SESTD1: variants seen among roughly 807,000 people sequenced by gnomAD.
SESTD1 encodes SEC14 and spectrin domain containing 1.
SESTD1 carries 43 observed loss-of-function variants against 101.7 expected under a neutral mutation model. The ratio of observed to expected loss-of-function variants is 0.42; its 90% confidence interval spans 0.33 to 0.55. The LOEUF is 0.55. SESTD1 is among the 20% of genes least tolerant of loss of function. SESTD1 has a pLI of 0.07. For missense variants in SESTD1, 647 were observed against 815.1 expected (o/e 0.79, Z 2.51); for synonymous variants, 283 against 286.8 (o/e 0.99, Z 0.13).
intron 9 of SESTD1, among the ~76,000 whole-genome samples, chr2:179,133,067 G>A (rs2045048201): frequency 6.6e-6 from 1 of 152,040 alleles, no homozygotes; most frequent in Non-Finnish European, 1.5e-5. Flanking sequence ...CCAACATTCA[G>A]ACCCACAAAA....
chr2:179,146,513 T>G (rs1427784781), intron 7 of SESTD1, 56 bp from the exon 8 acceptor site: 28 of 1,449,606 alleles, frequency 1.9e-5, no homozygotes, highest in Non-Finnish European at 2.7e-5. Flanking sequence ...AATGTAACTT[T>G]AAAAATTCCT....
chr2:179,236,589 A>G (rs2047069760), intron 1 of SESTD1, among the ~76,000 whole-genome samples: 1 of 152,052 alleles, frequency 6.6e-6, no homozygotes, highest in Non-Finnish European at 1.5e-5. Flanking sequence ...CTCAATCTGT[A>G]TGTTGACAAG....
intron 17 of SESTD1, among the ~76,000 whole-genome samples, chr2:179,112,237 G>C (rs2044527214): frequency 1.3e-5 from 2 of 152,146 alleles, no homozygotes; most frequent in Admixed American, 6.5e-5. Context: ...TAGAAGCTGT[G>C]AAATCCTGAG....
chr2:179,132,487 CTAACT>C, intron 9 of SESTD1, 61 bp from the exon 10 acceptor site: 1 of 1,525,050 alleles, frequency 6.6e-7, no homozygotes, highest in East Asian at 2.5e-5. Flanking sequence ...AACTTTCATT[CTAACT>C]TATTTTTCCC....
chr2:179,164,189 G>C (rs557433347), intron 5 of SESTD1, among the ~76,000 whole-genome samples: 103 of 152,226 alleles, frequency 6.8e-4, no homozygotes, highest in Middle Eastern at 3.4e-3. Context: ...AAGGAAAATA[G>C]GTTTCTATAA....
At chr2:179,128,811 C>T (rs945592351) in intron 10 of SESTD1, among the ~76,000 whole-genome samples, 2 of 150,494 alleles carry the variant, frequency 1.3e-5, no homozygotes, top group African/African-American at 4.9e-5. Flanking sequence ...TGTTCACTTA[C>T]AGCCATTCTC....
chr2:179,196,861 A>T (rs1019910831), intron 1 of SESTD1, among the ~76,000 whole-genome samples: 3 of 152,218 alleles, frequency 2.0e-5, no homozygotes, highest in Non-Finnish European at 4.4e-5. Context: ...ATGGGGAAAA[A>T]ACAGAGAAGA....
At chr2:179,120,383 G>C (rs2044723808) in intron 13 of SESTD1, among the ~76,000 whole-genome samples, 1 of 152,218 alleles carries the variant, frequency 6.6e-6, no homozygotes, top group Admixed American at 6.5e-5. Flanking sequence ...CAGCACGGGA[G>C]AGCTGTAACT....
intron 1 of SESTD1, among the ~76,000 whole-genome samples, chr2:179,243,045 T>C (rs1477450727): frequency 6.6e-6 from 1 of 152,082 alleles, no homozygotes; most frequent in Non-Finnish European, 1.5e-5. Flanking sequence ...CATTCACAAA[T>C]TATGTATCTG....
Position 179,103,855 on chromosome 2 carries a change from A to G in SESTD1, c.*6044T>C, listed in dbSNP as rs988143176. 4 of 152,128 alleles carry G rather than the reference A, an allele frequency of 2.6e-5. No homozygotes were observed. The highest frequency in any genetic ancestry group is 9.7e-5 in the African/African-American group (4 of 41,430). The allele number at this position is 152,128 out of a possible 1,614,324, so 9.4% of individuals were successfully genotyped here. ...CAAACCTCAGTGAACACATATTTCT[A>G]TGCACTTCATTGCATGCTAATTTTA... On this transcript the variant is annotated 3_prime_UTR_variant, in exon 18 of 18. Coordinates refer to ENST00000428443, the MANE Select transcript of SESTD1 (RefSeq NM_178123.5).
At chr2:179,252,893 C>T (rs2047338457) in intron 1 of SESTD1, among the ~76,000 whole-genome samples, 1 of 152,154 alleles carries the variant, frequency 6.6e-6, no homozygotes, top group Non-Finnish European at 1.5e-5. Context: ...TTTGATACCC[C>T]TTTCTTTCTT....
intron 5 of SESTD1, among the ~76,000 whole-genome samples, chr2:179,159,910 A>G (rs1231016850): frequency 1.3e-5 from 2 of 152,234 alleles, no homozygotes; most frequent in African/African-American, 4.8e-5. Context: ...ACTGGAGTGC[A>G]ATAGCACGAT....
At chr2:179,245,917 T>TAA (rs2047222707) in intron 1 of SESTD1, among the ~76,000 whole-genome samples, 1 of 152,048 alleles carries the variant, frequency 6.6e-6, no homozygotes, top group East Asian at 1.9e-4. Context: ...TCAAATATAC[T>TAA]AAAAAGGCAA....
chr2:179,148,322 T>C lies in SESTD1; in HGVS notation c.581+975A>G, dbSNP rs536058417. Among the ~76,000 whole-genome samples the C allele has an allele frequency of 3.3e-5, 5 of 152,338 alleles. No homozygotes were observed. The East Asian group carries it at 9.6e-4, about 29-fold the overall frequency. On this transcript the variant is annotated intron_variant, in intron 7 of 17. Coordinates refer to ENST00000428443, the MANE Select transcript of SESTD1 (RefSeq NM_178123.5). Reference sequence around the variant, plus strand: ...GAAAAATTACTGTTTTAGTGACCAGTAATAATCAAGTGGCCTGAATAGTTA... The same window carrying C: ...GAAAAATTACTGTTTTAGTGACCAGCAATAATCAAGTGGCCTGAATAGTTA...
chr2:179,180,936 T>C lies in SESTD1; in HGVS notation c.164+2144A>G, dbSNP rs112413257. 2.1e-3 allele frequency among the ~76,000 whole-genome samples: 324 copies of C among 152,298 alleles called. 6 individuals carry two copies. The highest frequency in any genetic ancestry group is 7.5e-3 in the African/African-American group (310 of 41,560). Reference sequence around the variant, plus strand: ...AGAAAGCAGAAGGATAGAGTTTTCATGAATATTTGAGAAGGCCAAACTTTA... The same window carrying C: ...AGAAAGCAGAAGGATAGAGTTTTCACGAATATTTGAGAAGGCCAAACTTTA... On this transcript the variant is annotated intron_variant, in intron 3 of 17. Coordinates refer to ENST00000428443, the MANE Select transcript of SESTD1 (RefSeq NM_178123.5).
intron 17 of SESTD1, among the ~76,000 whole-genome samples, chr2:179,110,322 T>C (rs1157371125): frequency 1.3e-5 from 2 of 152,218 alleles, no homozygotes; most frequent in Non-Finnish European, 2.9e-5. Context: ...ACTGGAAATA[T>C]GTGGGTCCAG....
At chr2:179,223,309 C>T (rs1180600167) in intron 1 of SESTD1, among the ~76,000 whole-genome samples, 1 of 152,096 alleles carries the variant, frequency 6.6e-6, no homozygotes, top group East Asian at 1.9e-4. Context: ...GTAATAGACA[C>T]TAAGTTTCTT....
At chr2:179,139,338 C>T (rs2045225312) in intron 9 of SESTD1, among the ~76,000 whole-genome samples, 1 of 152,148 alleles carries the variant, frequency 6.6e-6, no homozygotes, top group Non-Finnish European at 1.5e-5. Context: ...TTCAAACTTC[C>T]TGATGCCTGA....
intron 10 of SESTD1, among the ~76,000 whole-genome samples, chr2:179,127,512 CAG>C (rs1194402953): frequency 2.0e-5 from 3 of 152,140 alleles, no homozygotes; most frequent in African/African-American, 4.8e-5. Context: ...AAGTAGGTAA[CAG>C]AGGGTGATTT....
Sources: gnomAD v4.1 joint callset for allele counts (sites outside exome capture counted in the v4.1 genomes callset) on GRCh38, gnomAD v4.1.1 for gene constraint, MANE v1.5 for transcripts, NCBI Gene and HGNC (gene_info 2026-07-23, HGNC 2026-07-21) for gene names.